The following ACIN1 variants were observed in gnomAD, a reference collection of about 807,000 sequenced individuals.
ACIN1 encodes apoptotic chromatin condensation inducer in the nucleus.
A neutral mutation model predicts 146.6 loss-of-function variants in ACIN1; 16 were observed. The ratio of observed to expected loss-of-function variants is 0.11; its 90% confidence interval spans 0.07 to 0.17. The LOEUF is 0.17. Among genes scored for constraint, ACIN1 ranks in the 10% least tolerant of loss-of-function variants. The pLI is 1.00. For synonymous variants in ACIN1, 569 were observed against 582.7 expected (o/e 0.98, Z 0.34); for missense variants, 1,357 against 1,609.3 (o/e 0.84, Z 2.68).
At chr14:23,079,436 G>A (rs2047884962) in intron 6 of ACIN1, 111 bp downstream of exon 6, 2 of 1,502,084 alleles carry the variant, frequency 1.3e-6, no homozygotes, top group Non-Finnish European at 1.8e-6. Context: ...GGAGAGTAAA[G>A]GAGGCTTTTC....
chr14:23,063,284 T>G, intron 13 of ACIN1, 152 bp downstream of exon 13: 1 of 1,194,186 alleles, frequency 8.4e-7, no homozygotes, highest in Non-Finnish European at 1.2e-6. Flanking sequence ...AATCTGGCCC[T>G]CAAGTAGCTT....
At chr14:23,089,936 C>A (rs1191484493) in intron 4 of ACIN1, 46 bp downstream of exon 4, 2 of 1,516,990 alleles carry the variant, frequency 1.3e-6, no homozygotes, top group South Asian at 2.5e-5. Context: ...CCCCCACCAA[C>A]TACGCAGGAT....
At chr14:23,083,875 C>T (rs138671907) in intron 4 of ACIN1, among the ~76,000 whole-genome samples, 176 of 152,264 alleles carry the variant, frequency 1.2e-3, no homozygotes, top group African/African-American at 4.0e-3. Flanking sequence ...AGGTTCTGTA[C>T]ACAAAACCAT....
At position 23,061,365 on chromosome 14, in the gene ACIN1, T is replaced by G. The variant is rs2084640299; in HGVS notation, c.3357A>C (p.Arg1119=). ...RDKVREGPRS[R]SRSRDRRRKE... ...TGCGGCGGCGGTCACGGGACCTTGA[T>G]CGGGAACGGGGCCCTTCTCGAACTT... The change falls in exon 17 of 19, where the codon CGA becomes CGC. Residue 1119 remains arginine, a synonymous_variant. Transcript: ENST00000605057. 6.2e-7 allele frequency: 1 copy of G among 1,614,002 alleles called. No individual in the cohort carries two copies.
rs778221139 is a variant in ACIN1 at position 23,059,170 on chromosome 14, C to T, written c.3830G>A (p.Arg1277Gln). ...CAGCTAGCGGCGCCCACCCCGGTCCCGCACAGGTGTGCTCCGACTCCGGCT... is the reference window on the plus strand; with the variant it reads ...CAGCTAGCGGCGCCCACCCCGGTCCTGCACAGGTGTGCTCCGACTCCGGCT... ...SRSRSRSTPV[R>Q]DRGGRR Residue 1277 changes from arginine (R) to glutamine (Q), a missense_variant, in exon 19 of 19, where the codon CGG becomes CAG. By Grantham distance (43) the Arg-to-Gln change is conservative. This residue lies in a region of ACIN1 where 509 missense variants were observed against 719.6 expected (regional missense o/e 0.71). Coordinates refer to ENST00000605057, the MANE Select transcript of ACIN1 (RefSeq NM_001386863.1). 4 of 1,613,894 alleles carry T rather than the reference C, an allele frequency of 2.5e-6. 1 individual carries two copies. Among genetic ancestry groups the T allele is most frequent in the Admixed American group, 3.3e-5 (2 of 59,998 alleles).
Position 23,067,831 on chromosome 14 carries a change from G to A in ACIN1, c.2265+1645C>T, listed in dbSNP as rs889827702. The stretch of plus-strand genomic sequence containing the variant: ...TAACTGGGGAGGGGGTCCTCTCACC[G>A]AGTGGGATCATGGAGCCTCTGATGA... On this transcript the variant is annotated intron_variant, in intron 9 of 18. Coordinates refer to ENST00000605057, the MANE Select transcript of ACIN1 (RefSeq NM_001386863.1). This position sits in a 1 kb window ranked among gnomAD's most constrained non-coding sequence, Gnocchi z 4.6. 21 of 985,794 alleles carry A rather than the reference G, an allele frequency of 2.1e-5. No homozygotes were observed. Among genetic ancestry groups the A allele is most frequent in the Non-Finnish European group, 2.5e-5 (21 of 829,996 alleles). 61.1% of individuals were successfully genotyped at this position (985,794 alleles called of 1,614,324 possible).
intron 4 of ACIN1, among the ~76,000 whole-genome samples, chr14:23,085,565 G>T (rs1389893532): frequency 6.6e-6 from 1 of 152,190 alleles, no homozygotes; most frequent in East Asian, 1.9e-4. Context: ...CTGGAGAAAT[G>T]AACAGGGCTG....
chr14:23,078,413 G>T, intron 7 of ACIN1, 147 bp from the exon 8 acceptor site: 1 of 592,260 alleles, frequency 1.7e-6, no homozygotes, highest in Admixed American at 3.3e-5. Context: ...TTTCATTTTA[G>T]AATAAGGAAA....
intron 4 of ACIN1, among the ~76,000 whole-genome samples, chr14:23,083,726 C>T (rs1011618022): frequency 3.9e-5 from 6 of 152,038 alleles, no homozygotes; most frequent in Admixed American, 3.9e-4. Context: ...GAGACTCCGT[C>T]TCAAAAAAAC....
chr14:23,071,973 G>A (rs1474329690), intron 8 of ACIN1, among the ~76,000 whole-genome samples: 1 of 152,180 alleles, frequency 6.6e-6, no homozygotes, highest in East Asian at 1.9e-4. Context: ...GATAGAGGGT[G>A]GGGCATGAGC....
chr14:23,081,881 T>G (rs369792143), intron 4 of ACIN1, 45 bp from the exon 5 acceptor site: 46 of 1,482,456 alleles, frequency 3.1e-5, no homozygotes, highest in Non-Finnish European at 4.1e-5. Context: ...AAGTGAAGAC[T>G]CATTCATGGC....
rs1303040923 is a variant in ACIN1 at position 23,068,202 on chromosome 14, C to T, written c.2265+1274G>A. ...AGTCGTCACAGCTTAAGTAGAGGGT[C>T]CCACTCAGTGTTTTACAGCATGGCA... On this transcript the variant is annotated intron_variant, in intron 9 of 18. Coordinates refer to ENST00000605057, the MANE Select transcript of ACIN1 (RefSeq NM_001386863.1). This position sits in a 1 kb window ranked among gnomAD's most constrained non-coding sequence, Gnocchi z 4.3. The T allele has an allele frequency of 1.0e-6, 1 of 985,812 alleles. No homozygotes were observed. Among genetic ancestry groups the T allele is most frequent in the Non-Finnish European group, 1.2e-6 (1 of 829,986 alleles). The allele number at this position is 985,812 out of a possible 1,614,324, so 61.1% of individuals were successfully genotyped here.
intron 4 of ACIN1, among the ~76,000 whole-genome samples, chr14:23,089,765 C>T (rs1168238146): frequency 6.6e-6 from 1 of 152,190 alleles, no homozygotes; most frequent in Non-Finnish European, 1.5e-5. Flanking sequence ...AGAAAAATCA[C>T]ACTGCTTCGT....
chr14:23,069,460 T>C lies in ACIN1; in HGVS notation c.2265+16A>G. On this transcript the variant is annotated intron_variant, in intron 9 of 18. Coordinates refer to ENST00000605057, the MANE Select transcript of ACIN1 (RefSeq NM_001386863.1). Reference sequence around the variant, plus strand: ...ATTCCTGCCCACCCGCCCCAATAGGTGGCTTGGATGTTTACCTCTTTCTTC... The same window carrying C: ...ATTCCTGCCCACCCGCCCCAATAGGCGGCTTGGATGTTTACCTCTTTCTTC... 1 of 1,611,426 alleles carries C rather than the reference T, an allele frequency of 6.2e-7. No individual in the cohort carries two copies. Among genetic ancestry groups the C allele is most frequent in the South Asian group, 1.1e-5 (1 of 90,682 alleles).
chr14:23,069,769 C>G (rs2047573430), intron 8 of ACIN1, 152 bp from the exon 9 acceptor site: 1 of 700,338 alleles, frequency 1.4e-6, no homozygotes. Flanking sequence ...GGTTAGAGAC[C>G]TTGTCCCAAT....
Position 23,090,233 on chromosome 14 carries a change from A to C in ACIN1, c.317-132T>G, listed in dbSNP as rs1006708938. 3 of 1,247,332 alleles carry C rather than the reference A, an allele frequency of 2.4e-6. No individual in the cohort carries two copies. The African/African-American group carries it at 4.5e-5, about 19-fold the overall frequency. 77.3% of individuals were successfully genotyped at this position (1,247,332 alleles called of 1,614,324 possible). On this transcript the variant is annotated intron_variant, in intron 3 of 18. Coordinates refer to ENST00000605057, the MANE Select transcript of ACIN1 (RefSeq NM_001386863.1). ...CATACCAAAAAGAGCACCGTATAAA[A>C]AGAAAAAACTCCCTGGGATTCAGCT...
chr14:23,095,202 G>A (rs2140268460), upstream of ACIN1: 1 of 1,614,086 alleles, frequency 6.2e-7, no homozygotes, highest in Admixed American at 1.7e-5. Context: ...AGATGACCCC[G>A]CCCACTGCCA....
At chr14:23,095,544 AT>A, upstream of ACIN1, 2 of 489,632 alleles carry the variant, frequency 4.1e-6, no homozygotes, top group Middle Eastern at 5.6e-4. Context: ...TTTTCAGGAA[AT>A]TTGGAAGCTG....
chr14:23,067,511 G>GGGGGTGGC lies in ACIN1; in HGVS notation c.2266-1504_2266-1503insGCCACCCC. On this transcript the variant is annotated intron_variant, in intron 9 of 18. Coordinates refer to ENST00000605057, the MANE Select transcript of ACIN1 (RefSeq NM_001386863.1). This position sits in a 1 kb window ranked among gnomAD's most constrained non-coding sequence, Gnocchi z 4.6. ...CCAGGGGCGCAGGGGGGGCGGGAGG[G>GGGGGTGGC]AAACGTGTGGGGGGACGCTGCCCAG... is the stretch of plus-strand genomic sequence containing the variant. 1 of 221,752 alleles carries GGGGGTGGC rather than the reference G, an allele frequency of 4.5e-6. No homozygotes were observed. Among genetic ancestry groups the GGGGGTGGC allele is most frequent in the Non-Finnish European group, 7.3e-6 (1 of 137,284 alleles). The allele number at this position is 221,752 out of a possible 1,614,324, so 13.7% of individuals were successfully genotyped here.
Sources: allele counts gnomAD v4.1 joint callset (sites outside exome capture counted in the v4.1 genomes callset), GRCh38; gene constraint gnomAD v4.1.1; regional missense constraint gnomAD v4.1.1; non-coding constraint Gnocchi (gnomAD v3.1); transcripts MANE v1.5; gene names NCBI Gene and HGNC (gene_info 2026-07-23, HGNC 2026-07-21).